The following STAG1 variants were observed in gnomAD, a reference collection of about 807,000 sequenced individuals.
STAG1 encodes cohesin subunit SA-1.
A neutral mutation model predicts 170.9 loss-of-function variants in STAG1; 26 were observed. The observed-to-expected ratio is 0.15, with a 90% CI of 0.11 to 0.21. STAG1 has a LOEUF of 0.21. STAG1 is among the 10% of genes least tolerant of loss of function. STAG1 has a pLI of 1.00. For synonymous variants in STAG1, 514 were observed against 497.7 expected (o/e 1.03, Z -0.44); for missense variants, 964 against 1,509.5 (o/e 0.64, Z 5.99).
At chr3:136,686,134 G>T (rs1341025488) in intron 1 of STAG1, among the ~76,000 whole-genome samples, 1 of 152,114 alleles carries the variant, frequency 6.6e-6, no homozygotes, top group Admixed American at 6.6e-5. Context: ...TTGGCAGCTG[G>T]GCTTGGAAGA....
intron 1 of STAG1, among the ~76,000 whole-genome samples, chr3:136,690,229 T>C (rs1942677778): frequency 6.6e-6 from 1 of 152,036 alleles, no homozygotes; most frequent in Non-Finnish European, 1.5e-5. Flanking sequence ...GAAACCAATT[T>C]GTTTTTGGCT....
At chr3:136,467,707 T>C (rs1469497911) in intron 12 of STAG1, among the ~76,000 whole-genome samples, 3 of 152,142 alleles carry the variant, frequency 2.0e-5, no homozygotes, top group African/African-American at 7.2e-5. Flanking sequence ...AGAATATACA[T>C]TCTTCTCAGC....
intron 23 of STAG1, among the ~76,000 whole-genome samples, chr3:136,374,541 T>A (rs1484955828): frequency 6.6e-6 from 1 of 151,634 alleles, no homozygotes; most frequent in Non-Finnish European, 1.5e-5. Context: ...TGCTTGAACC[T>A]GGGAGGTGGA....
intron 9 of STAG1, among the ~76,000 whole-genome samples, chr3:136,493,172 T>A (rs1281476254): frequency 2.0e-5 from 3 of 151,666 alleles, no homozygotes; most frequent in African/African-American, 7.3e-5. Flanking sequence ...CGAAACTTCG[T>A]CTCTACTGAA....
intron 1 of STAG1, among the ~76,000 whole-genome samples, chr3:136,639,971 A>C (rs1375984124): frequency 6.6e-6 from 1 of 152,206 alleles, no homozygotes; most frequent in African/African-American, 2.4e-5. Flanking sequence ...TTTATAACTC[A>C]AGCTTAAAGG....
chr3:136,403,178 G>C (rs1486407812), intron 21 of STAG1, among the ~76,000 whole-genome samples: 1 of 111,860 alleles, frequency 8.9e-6, no homozygotes, highest in Non-Finnish European at 1.6e-5. Flanking sequence ...TATGAGTCAA[G>C]ATCACACCAA....
intron 16 of STAG1, among the ~76,000 whole-genome samples, chr3:136,431,417 C>T (rs530582845): frequency 2.6e-5 from 4 of 152,008 alleles, no homozygotes; most frequent in South Asian, 2.1e-4. Context: ...GGACTACAAG[C>T]GTATGCCACC....
chr3:136,455,474 G>C (rs1417198721), intron 13 of STAG1, among the ~76,000 whole-genome samples: 1 of 152,130 alleles, frequency 6.6e-6, no homozygotes, highest in African/African-American at 2.4e-5. Context: ...TTGCTGGTCT[G>C]GGCATCTTTG....
chr3:136,532,563 T>A (rs1019482183), intron 6 of STAG1, among the ~76,000 whole-genome samples: 3 of 152,168 alleles, frequency 2.0e-5, no homozygotes, highest in Non-Finnish European at 4.4e-5. Context: ...AACTCACTAA[T>A]ACACCATGAT....
chr3:136,356,287 T>C (rs1454651285), intron 28 of STAG1, among the ~76,000 whole-genome samples: 1 of 152,194 alleles, frequency 6.6e-6, no homozygotes, highest in South Asian at 2.1e-4. Flanking sequence ...CTGATCAACA[T>C]GACATCAACA....
intron 11 of STAG1, among the ~76,000 whole-genome samples, chr3:136,473,061 C>A (rs2089665106): frequency 6.6e-6 from 1 of 152,088 alleles, no homozygotes; most frequent in Admixed American, 6.6e-5. Context: ...TCAGCAGTGG[C>A]ATTAGATTCT....
At chr3:136,728,668 C>A (rs1370338331) in intron 1 of STAG1, among the ~76,000 whole-genome samples, 1 of 152,156 alleles carries the variant, frequency 6.6e-6, no homozygotes, top group African/African-American at 2.4e-5. Context: ...TACTATATTA[C>A]TTTCTCTTTC....
chr3:136,541,481 T>C (rs973886725), intron 6 of STAG1, among the ~76,000 whole-genome samples: 1 of 150,406 alleles, frequency 6.6e-6, no homozygotes, highest in African/African-American at 2.4e-5. Flanking sequence ...AAAACATGTA[T>C]TCTAAATGAA....
chr3:136,409,443 C>G (rs1245370102), intron 21 of STAG1, among the ~76,000 whole-genome samples: 1 of 151,888 alleles, frequency 6.6e-6, no homozygotes, highest in Non-Finnish European at 1.5e-5. Context: ...TACAAGAGAT[C>G]CTCCCATCTT....
At chr3:136,523,382 T>G (rs1314118915) in intron 6 of STAG1, among the ~76,000 whole-genome samples, 2 of 150,908 alleles carry the variant, frequency 1.3e-5, no homozygotes, top group African/African-American at 4.9e-5. Flanking sequence ...GAGAAGTGTC[T>G]GTTCATATCC....
chr3:136,547,400 C>T (rs967919765), intron 5 of STAG1, among the ~76,000 whole-genome samples: 3 of 152,186 alleles, frequency 2.0e-5, no homozygotes, highest in Non-Finnish European at 4.4e-5. Flanking sequence ...GACTCCTCTA[C>T]ACTGTGACAC....
chr3:136,679,506 ATCATGAGG>A (rs1942259343), intron 1 of STAG1, among the ~76,000 whole-genome samples: 3 of 152,088 alleles, frequency 2.0e-5, no homozygotes, highest in African/African-American at 7.2e-5. Flanking sequence ...AGGCGGGCGG[ATCATGAGG>A]TCAGGAGATC....
At chr3:136,361,678 A>G (rs945379711) in intron 26 of STAG1, among the ~76,000 whole-genome samples, 8 of 152,132 alleles carry the variant, frequency 5.3e-5, no homozygotes, top group Non-Finnish European at 4.4e-5. Context: ...AGGTGCAATC[A>G]TAACTCACTG....
chr3:136,613,376 C>A (rs1023981460), intron 3 of STAG1, among the ~76,000 whole-genome samples: 1 of 145,706 alleles, frequency 6.9e-6, no homozygotes, highest in African/African-American at 2.5e-5. Context: ...TCCCAGGAAA[C>A]TGATATTGTC....
Sources: allele counts gnomAD v4.1 joint callset (sites outside exome capture counted in the v4.1 genomes callset), GRCh38; gene constraint gnomAD v4.1.1; transcripts MANE v1.5; gene names NCBI Gene and HGNC (gene_info 2026-07-23, HGNC 2026-07-21).